The following FBXW8 variants were observed in gnomAD, a reference collection of about 807,000 sequenced individuals.
The protein encoded by FBXW8 is F-box and WD repeat domain containing 8.
A neutral mutation model predicts 65.3 loss-of-function variants in FBXW8; 57 were observed. That is an observed-to-expected ratio of 0.87 (90% CI 0.71 to 1.09). The LOEUF (loss-of-function observed/expected upper bound fraction) is 1.09, where lower values mean the gene tolerates loss of function less well. FBXW8 is among the 50% of genes least tolerant of loss of function. The pLI, the probability that FBXW8 is intolerant of heterozygous loss-of-function variation, is 0.00. For synonymous variants in FBXW8, 308 were observed against 330.2 expected, an observed-to-expected ratio of 0.93 and a Z score of 0.73; for missense variants, 777 against 814.8, an observed-to-expected ratio of 0.95 and a Z score of 0.57.
At chr12:116,923,953 T>C (rs1466659422) in intron 1 of FBXW8, among the ~76,000 whole-genome samples, 1 of 152,208 alleles carries the variant, frequency 6.6e-6, no homozygotes, top group African/African-American at 2.4e-5. Context: ...GACCTCGTGA[T>C]CCGCCTGCCT....
At chr12:116,989,293 A>G (rs1953179721) in intron 7 of FBXW8, among the ~76,000 whole-genome samples, 1 of 152,206 alleles carries the variant, frequency 6.6e-6, no homozygotes, top group South Asian at 2.1e-4. Context: ...ATATGCTTCT[A>G]GCTCATAGCC....
intron 1 of FBXW8, among the ~76,000 whole-genome samples, chr12:116,919,695 G>A (rs753422342): frequency 2.6e-5 from 4 of 152,158 alleles, no homozygotes; most frequent in Admixed American, 6.5e-5. Context: ...TGTTTGTTGA[G>A]TTGAAATAAT....
At chr12:116,996,403 C>G (rs559329829) in intron 7 of FBXW8, among the ~76,000 whole-genome samples, 1 of 152,010 alleles carries the variant, frequency 6.6e-6, no homozygotes, top group Non-Finnish European at 1.5e-5. Flanking sequence ...TCTGGGAGAG[C>G]CTTAGGAATC....
At chr12:117,020,434 CG>C (rs1318772972) in intron 8 of FBXW8, among the ~76,000 whole-genome samples, 1 of 152,156 alleles carries the variant, frequency 6.6e-6, no homozygotes, top group Non-Finnish European at 1.5e-5. Flanking sequence ...GTTAGCTGTC[CG>C]CACTCTGTTT....
intron 7 of FBXW8, among the ~76,000 whole-genome samples, chr12:117,009,223 A>T (rs936466861): frequency 1.4e-4 from 21 of 152,276 alleles, no homozygotes; most frequent in Non-Finnish European, 2.1e-4. Flanking sequence ...AAAATTTTTT[A>T]AAAAAGAAAG....
At chr12:116,911,440 CTG>C (rs928952541) in intron 1 of FBXW8, 85 bp downstream of exon 1, 46 of 941,122 alleles carry the variant, frequency 4.9e-5, no homozygotes, top group Non-Finnish European at 9.5e-6. Context: ...TGGAGAGTAA[CTG>C]TGTGCCACTA....
chr12:116,912,415 C>CCTGG (rs1015983778), intron 1 of FBXW8, among the ~76,000 whole-genome samples: 6 of 150,878 alleles, frequency 4.0e-5, no homozygotes, highest in Non-Finnish European at 7.4e-5. Context: ...GTCTCAAACT[C>CCTGG]CTGGGCCCAA....
At chr12:116,992,882 CAT>C (rs1030513942) in intron 7 of FBXW8, among the ~76,000 whole-genome samples, 3 of 151,200 alleles carry the variant, frequency 2.0e-5, no homozygotes, top group African/African-American at 4.9e-5. Flanking sequence ...CTGCAATAAA[CAT>C]ATGTGTACAG....
chr12:116,950,822 G>A (rs919375403), intron 4 of FBXW8: 1 of 152,068 alleles, frequency 6.6e-6, no homozygotes, highest in Admixed American at 6.5e-5. Flanking sequence ...CTAAAATGTG[G>A]GCCTGCGATC....
At chr12:116,985,880 G>C (rs1392836676) in intron 6 of FBXW8, 2 of 153,346 alleles carry the variant, frequency 1.3e-5, no homozygotes, top group Admixed American at 1.3e-4. Flanking sequence ...AGTAACTCTT[G>C]CGTGAAGATA....
intron 5 of FBXW8, among the ~76,000 whole-genome samples, chr12:116,971,166 C>T (rs942624590): frequency 2.0e-4 from 31 of 152,024 alleles, no homozygotes; most frequent in African/African-American, 6.8e-4. Flanking sequence ...GAGTTGAGAC[C>T]AGCCTGGGCA....
intron 1 of FBXW8, among the ~76,000 whole-genome samples, chr12:116,916,077 A>G (rs1880384762): frequency 6.6e-6 from 1 of 152,176 alleles, no homozygotes; most frequent in Non-Finnish European, 1.5e-5. Flanking sequence ...ATTGATCCCT[A>G]TGAATATGCC....
chr12:116,997,696 GC>G (rs1486399653), intron 7 of FBXW8, among the ~76,000 whole-genome samples: 1 of 152,196 alleles, frequency 6.6e-6, no homozygotes, highest in Non-Finnish European at 1.5e-5. Flanking sequence ...GTATATTCAG[GC>G]CTGCAGGAGC....
At chr12:116,970,402 G>C (rs1414560441) in intron 5 of FBXW8, among the ~76,000 whole-genome samples, 10 of 152,156 alleles carry the variant, frequency 6.6e-5, no homozygotes, top group African/African-American at 2.2e-4. Flanking sequence ...CAGTGCAACT[G>C]TCTGAACGCA....
At chr12:117,025,655 CGCTGTG>C (rs1490169315) in intron 9 of FBXW8, among the ~76,000 whole-genome samples, 1 of 152,226 alleles carries the variant, frequency 6.6e-6, no homozygotes, top group Admixed American at 6.5e-5. Context: ...CCCGCCCCCT[CGCTGTG>C]GCTGTGCCTG....
At chr12:116,977,403 G>A (rs796847517) in intron 5 of FBXW8, 45 of 152,080 alleles carry the variant, frequency 3.0e-4, no homozygotes, top group African/African-American at 8.4e-4. Context: ...ACAAATTAAC[G>A]TATTTTTACT....
At chr12:116,918,785 A>G (rs905717346) in intron 1 of FBXW8, among the ~76,000 whole-genome samples, 1 of 152,136 alleles carries the variant, frequency 6.6e-6, no homozygotes, top group Admixed American at 6.5e-5. Context: ...TGGTTTCCTA[A>G]ATAGAGGAAG....
At chr12:116,927,886 A>G in intron 1 of FBXW8, 137 bp from the exon 2 acceptor site, 2 of 602,414 alleles carry the variant, frequency 3.3e-6, no homozygotes, top group Admixed American at 3.1e-5. Context: ...AACAGTATGG[A>G]TGCCTCCCTC....
intron 8 of FBXW8, among the ~76,000 whole-genome samples, chr12:117,020,009 G>A (rs910272983): frequency 6.6e-6 from 1 of 152,182 alleles, no homozygotes; most frequent in Non-Finnish European, 1.5e-5. Flanking sequence ...CCCTCATTGC[G>A]ACTGCTTAAA....
Sources: gnomAD v4.1 joint callset for allele counts (sites outside exome capture counted in the v4.1 genomes callset) on GRCh38, gnomAD v4.1.1 for gene constraint, MANE v1.5 for transcripts, NCBI Gene and HGNC (gene_info 2026-07-23, HGNC 2026-07-21) for gene names.